PARD3B: variants seen among roughly 807,000 people sequenced by gnomAD.
PARD3B encodes par-3 family cell polarity regulator beta.
Under a neutral mutation model 130.2 loss-of-function variants are expected in PARD3B, and 103 were observed. That is an observed-to-expected ratio of 0.79 (90% CI 0.67 to 0.93). The LOEUF (loss-of-function observed/expected upper bound fraction) is 0.93. Ranked by LOEUF, PARD3B falls within the 40% of genes least tolerant of loss-of-function variation. PARD3B has a pLI of 0.00. For missense variants in PARD3B, 1,609 were observed against 1,499.2 expected (o/e 1.07, Z -1.21); for synonymous variants, 583 against 553.2 (o/e 1.05, Z -0.76).
chr2:204,719,507 AGT>A (rs1180782759), intron 2 of PARD3B, among the ~76,000 whole-genome samples: 1 of 152,222 alleles, frequency 6.6e-6, no homozygotes, highest in Admixed American at 6.5e-5. Context: ...ATGTGAAGTG[AGT>A]GTCTTTATTT....
chr2:205,371,714 T>G (rs2044824486), intron 18 of PARD3B, among the ~76,000 whole-genome samples: 1 of 152,142 alleles, frequency 6.6e-6, no homozygotes. Flanking sequence ...GGGTTTTTAT[T>G]AAGATATAAT....
intron 2 of PARD3B, among the ~76,000 whole-genome samples, chr2:204,915,491 T>C (rs2047408036): frequency 2.0e-5 from 3 of 152,192 alleles, no homozygotes; most frequent in African/African-American, 7.2e-5. Flanking sequence ...TATTTTGCCA[T>C]ATAAATTTAG....
chr2:205,555,046 A>G (rs2052817781), intron 22 of PARD3B, among the ~76,000 whole-genome samples: 1 of 152,218 alleles, frequency 6.6e-6, no homozygotes, highest in Non-Finnish European at 1.5e-5. Context: ...AATTTGTTTT[A>G]CATATAAGAT....
intron 2 of PARD3B, among the ~76,000 whole-genome samples, chr2:204,734,453 AATGTTC>A (rs1297972148): frequency 2.0e-5 from 3 of 152,152 alleles, no homozygotes; most frequent in African/African-American, 7.2e-5. Flanking sequence ...GCAGTAAGTG[AATGTTC>A]ACAGCAACTT....
chr2:204,585,316 A>T (rs562377418), intron 1 of PARD3B, among the ~76,000 whole-genome samples: 1 of 151,976 alleles, frequency 6.6e-6, no homozygotes, highest in East Asian at 1.9e-4. Flanking sequence ...CTCCATTTGG[A>T]CACTGTTTCT....
chr2:204,795,580 T>A (rs1575002618), intron 2 of PARD3B, among the ~76,000 whole-genome samples: 1 of 152,306 alleles, frequency 6.6e-6, no homozygotes, highest in East Asian at 1.9e-4. Context: ...TGTTACAGAG[T>A]ACTTGGTATC....
chr2:204,557,721 C>A (rs974951248), intron 1 of PARD3B, among the ~76,000 whole-genome samples: 2 of 152,084 alleles, frequency 1.3e-5, no homozygotes, highest in African/African-American at 4.8e-5. Context: ...TCTTGAAATG[C>A]CTTATCATCT....
intron 18 of PARD3B, among the ~76,000 whole-genome samples, chr2:205,381,904 A>C (rs1275034296): frequency 6.6e-6 from 1 of 152,022 alleles, no homozygotes; most frequent in African/African-American, 2.4e-5. Context: ...AACCTTTCCT[A>C]ATCATTTCTC....
chr2:205,075,922 A>G (rs12694014), intron 4 of PARD3B, among the ~76,000 whole-genome samples: 151,126 of 152,202 alleles, frequency 0.99, 75,037 homozygotes, highest in Middle Eastern at 1. Context: ...AATATCCCAC[A>G]ACAAAAATGA....
At chr2:204,632,048 G>C (rs1300655983) in intron 1 of PARD3B, among the ~76,000 whole-genome samples, 1 of 152,138 alleles carries the variant, frequency 6.6e-6, no homozygotes, top group African/African-American at 2.4e-5. Context: ...TTTGTTGGAG[G>C]TGGAGCCTGT....
intron 1 of PARD3B, among the ~76,000 whole-genome samples, chr2:204,554,163 C>G (rs2030747755): frequency 6.6e-6 from 1 of 152,270 alleles, no homozygotes; most frequent in African/African-American, 2.4e-5. Context: ...CTTTCCTCCT[C>G]TACGTCTTAG....
chr2:204,858,227 A>G (rs116183864), intron 2 of PARD3B, among the ~76,000 whole-genome samples: 1,906 of 152,276 alleles, frequency 0.013, 34 homozygotes, highest in African/African-American at 0.043. Flanking sequence ...GTGGTAAAAT[A>G]TCTTTAAAGT....
At chr2:205,400,921 A>G (rs1019122514) in intron 18 of PARD3B, 92 bp from the exon 19 acceptor site, 4 of 830,684 alleles carry the variant, frequency 4.8e-6, no homozygotes, top group African/African-American at 3.4e-5. Flanking sequence ...ATAAAGAAGT[A>G]TGACTTAATG....
At position 204,669,645 on chromosome 2, in the gene PARD3B, T is replaced by C. The variant is rs1415195391; in HGVS notation, c.121-16536T>C. Among the ~76,000 whole-genome samples, 1 of 152,188 alleles carries C rather than the reference T, an allele frequency of 6.6e-6. No individual in the cohort carries two copies. Among genetic ancestry groups the C allele is most frequent in the African/African-American group, 2.4e-5 (1 of 41,468 alleles). On this transcript the variant is annotated intron_variant, in intron 1 of 22. Coordinates refer to ENST00000406610, the MANE Select transcript of PARD3B (RefSeq NM_001302769.2). This position sits in a 1 kb window ranked among gnomAD's most constrained non-coding sequence, Gnocchi z 4.3. The stretch of plus-strand genomic sequence containing the variant: ...CCTTGGTTGCAATAAATGTCCATAC[T>C]GTCTATTGGTTTTCAACTTTTGGAA...
At position 205,566,107 on chromosome 2, in the gene PARD3B, G is replaced by T. The variant is rs2053324165; in HGVS notation, c.3260+12704G>T. Among the ~76,000 whole-genome samples the T allele has an allele frequency of 2.0e-5, 3 of 152,184 alleles. No individual in the cohort carries two copies. The South Asian group carries it at 6.2e-4, about 31-fold the overall frequency. ...ACGTAATGAACAGACTGAAAGAAAG[G>T]TGTGTGACTGGAACAAAGACTGTGG... On this transcript the variant is annotated intron_variant, in intron 22 of 22. Transcript: ENST00000406610.
At position 204,675,281 on chromosome 2, in the gene PARD3B, A is replaced by G. The variant is rs1426506020; in HGVS notation, c.121-10900A>G. On this transcript the variant is annotated intron_variant, in intron 1 of 22. Transcript: ENST00000406610. This position sits in a 1 kb window ranked among gnomAD's most constrained non-coding sequence, Gnocchi z 4.4. ...AATTGTTTTTAAATGGATTAAATCC[A>G]TTTAATCTGCTTAAGTATATTTGCA... Among the ~76,000 whole-genome samples the G allele has an allele frequency of 6.6e-6, 1 of 152,138 alleles. No homozygotes were observed. The highest frequency in any genetic ancestry group is 2.4e-5 in the African/African-American group (1 of 41,452).
chr2:204,953,512 T>G (rs1001370448), intron 2 of PARD3B, among the ~76,000 whole-genome samples: 2 of 151,992 alleles, frequency 1.3e-5, no homozygotes, highest in Non-Finnish European at 2.9e-5. Context: ...TGAAGTTTTG[T>G]TCACTTTTTT....
chr2:204,705,664 C>T (rs567446406), intron 2 of PARD3B, among the ~76,000 whole-genome samples: 12 of 152,226 alleles, frequency 7.9e-5, no homozygotes, highest in African/African-American at 2.6e-4. Flanking sequence ...CACTGACTGA[C>T]TAGATAGTAA....
chr2:205,289,467 G>T (rs1380550840), intron 16 of PARD3B, among the ~76,000 whole-genome samples: 1 of 152,156 alleles, frequency 6.6e-6, no homozygotes, highest in Non-Finnish European at 1.5e-5. Flanking sequence ...CCCCATAAAT[G>T]AGGTTCTATC....
Sources: allele counts gnomAD v4.1 joint callset (sites outside exome capture counted in the v4.1 genomes callset), GRCh38; gene constraint gnomAD v4.1.1; non-coding constraint Gnocchi (gnomAD v3.1); transcripts MANE v1.5; gene names NCBI Gene and HGNC (gene_info 2026-07-23, HGNC 2026-07-21).